ZNF521: variants seen among roughly 807,000 people sequenced by gnomAD.
ZNF521 encodes the protein LYST-interacting protein 3.
ZNF521 carries 14 observed loss-of-function variants against 105.5 expected under a neutral mutation model. The ratio of observed to expected loss-of-function variants is 0.13; its 90% confidence interval spans 0.09 to 0.21. The LOEUF (loss-of-function observed/expected upper bound fraction) is 0.21, where lower values mean the gene tolerates loss of function less well. ZNF521 is among the 10% of genes least tolerant of loss of function. ZNF521 has a pLI of 1.00. For missense variants in ZNF521, 1,233 were observed against 1,629.7 expected, an observed-to-expected ratio of 0.76 and a Z score of 4.19; for synonymous variants, 635 against 606.0, an observed-to-expected ratio of 1.05 and a Z score of -0.70.
At position 25,130,662 on chromosome 18, in the gene ZNF521, C is replaced by T. The variant is rs1306658620; in HGVS notation, c.3659-38581G>A. ...GTTTATTCATTAGAAATAAATCCAGCCCAGGCACTATGGCTCACACTTGTT... is the reference window on the plus strand; with the variant it reads ...GTTTATTCATTAGAAATAAATCCAGTCCAGGCACTATGGCTCACACTTGTT... On this transcript the variant is annotated intron_variant, in intron 5 of 7. Coordinates refer to ENST00000361524, the MANE Select transcript of ZNF521 (RefSeq NM_015461.3). 2.0e-5 allele frequency among the ~76,000 whole-genome samples: 3 copies of T among 152,192 alleles called. No homozygotes were observed. In the East Asian group the frequency reaches 5.8e-4, roughly 29 times the overall value.
chr18:25,222,886 T>C (rs1905826854), intron 4 of ZNF521, among the ~76,000 whole-genome samples: 1 of 152,178 alleles, frequency 6.6e-6, no homozygotes, highest in East Asian at 1.9e-4. Flanking sequence ...TCTTAGGAGA[T>C]GTCATGATAC....
At chr18:25,064,907 T>C (rs2033013047) in intron 7 of ZNF521, among the ~76,000 whole-genome samples, 1 of 152,218 alleles carries the variant, frequency 6.6e-6, no homozygotes, top group Admixed American at 6.5e-5. Flanking sequence ...TCAGAGTGAA[T>C]ACAGGAAATA....
At chr18:25,249,590 T>C (rs867057240) in intron 3 of ZNF521, among the ~76,000 whole-genome samples, 1 of 152,092 alleles carries the variant, frequency 6.6e-6, no homozygotes, top group Admixed American at 6.5e-5. Context: ...GCCTCCCAAG[T>C]AACTGGGATT....
At chr18:25,205,443 T>TTAG in intron 4 of ZNF521, among the ~76,000 whole-genome samples, 1 of 152,280 alleles carries the variant, frequency 6.6e-6, no homozygotes, top group Non-Finnish European at 1.5e-5. Context: ...TTACACAAAA[T>TTAG]TAGGGCCTAT....
chr18:25,293,312 T>C (rs1300362724), intron 3 of ZNF521, among the ~76,000 whole-genome samples: 3 of 151,676 alleles, frequency 2.0e-5, no homozygotes, highest in African/African-American at 7.3e-5. Context: ...AAAGGGTTGT[T>C]GCTGCATTAA....
Position 25,204,686 on chromosome 18 carries a change from T to C in ZNF521, c.3574-9442A>G, listed in dbSNP as rs538913414. Among the ~76,000 whole-genome samples the C allele has an allele frequency of 5.9e-5, 9 of 152,258 alleles. No homozygotes were observed. In the South Asian group the frequency reaches 1.9e-3, roughly 32 times the overall value. On this transcript the variant is annotated intron_variant, in intron 4 of 7. Transcript: ENST00000361524. The stretch of plus-strand genomic sequence containing the variant: ...ACTTGAACTCATTGATGTCTCACAT[T>C]AAACACTGAAAAAACTGTGCCCAAG...
At chr18:25,083,790 G>T (rs2033557497) in intron 7 of ZNF521, among the ~76,000 whole-genome samples, 1 of 150,086 alleles carries the variant, frequency 6.7e-6, no homozygotes, top group Non-Finnish European at 1.5e-5. Context: ...TTGAGACAAG[G>T]TCTCTCTCTC....
chr18:25,316,216 GA>G lies in ZNF521; in HGVS notation c.220+5791del, dbSNP rs1165592750. On this transcript the variant is annotated intron_variant, in intron 3 of 7. Transcript: ENST00000361524. ...GAACGGGCAGGGAGAAAGGAAAGGG[GA>G]AAATATGGACAGGGAAATTAAGAAT... 2.6e-5 allele frequency among the ~76,000 whole-genome samples: 4 copies of G among 151,306 alleles called. No homozygotes were observed. The East Asian group carries it at 7.8e-4, about 30-fold the overall frequency.
At chr18:25,277,247 T>C (rs148108995) in intron 3 of ZNF521, among the ~76,000 whole-genome samples, 131 of 152,208 alleles carry the variant, frequency 8.6e-4, no homozygotes, top group African/African-American at 2.9e-3. Flanking sequence ...AAGCATTATA[T>C]ATTTATTAAG....
At chr18:25,303,347 G>A (rs1911763313) in intron 3 of ZNF521, among the ~76,000 whole-genome samples, 1 of 150,700 alleles carries the variant, frequency 6.6e-6, no homozygotes, top group Admixed American at 6.6e-5. Flanking sequence ...ACCAAGGCTG[G>A]AGCACAGTGG....
intron 3 of ZNF521, among the ~76,000 whole-genome samples, chr18:25,242,876 G>A (rs1568031077): frequency 6.6e-6 from 1 of 152,184 alleles, no homozygotes; most frequent in East Asian, 1.9e-4. Context: ...ATAATCTGAT[G>A]AGACTCCACT....
chr18:25,335,879 A>T (rs1277618210), intron 2 of ZNF521, among the ~76,000 whole-genome samples: 1 of 152,232 alleles, frequency 6.6e-6, no homozygotes, highest in Admixed American at 6.5e-5. Context: ...CTGGGCTTCT[A>T]AAGCCCAAAG....
intron 4 of ZNF521, among the ~76,000 whole-genome samples, chr18:25,199,775 C>T (rs2035961359): frequency 6.6e-6 from 1 of 152,026 alleles, no homozygotes; most frequent in Admixed American, 6.6e-5. Flanking sequence ...CTTTAGACTC[C>T]TTCACTTGAT....
chr18:25,336,757 A>G (rs4129501), intron 2 of ZNF521, among the ~76,000 whole-genome samples: 133,346 of 152,186 alleles, frequency 0.88, 58,492 homozygotes, highest in Admixed American at 0.92. Context: ...ACACAGGTAC[A>G]TAAAAATTCC....
chr18:25,223,416 G>A (rs938233801), intron 4 of ZNF521, among the ~76,000 whole-genome samples: 4 of 152,154 alleles, frequency 2.6e-5, no homozygotes, highest in African/African-American at 9.7e-5. Context: ...GGGTGTGAGT[G>A]CAGAGACAAG....
intron 5 of ZNF521, among the ~76,000 whole-genome samples, chr18:25,121,111 A>ATTTTTTT (rs5823467): frequency 4.2e-5 from 5 of 118,676 alleles, no homozygotes; most frequent in Non-Finnish European, 5.0e-5. Flanking sequence ...AAGAAGGAGT[A>ATTTTTTT]TTTTTTTTTT....
chr18:25,064,349 G>A (rs2032994282), intron 7 of ZNF521, among the ~76,000 whole-genome samples: 1 of 152,216 alleles, frequency 6.6e-6, no homozygotes, highest in Admixed American at 6.5e-5. Flanking sequence ...GACAGCCGGA[G>A]ACATGAGCAG....
intron 7 of ZNF521, among the ~76,000 whole-genome samples, chr18:25,064,449 A>G (rs2032997328): frequency 6.6e-6 from 1 of 152,210 alleles, no homozygotes; most frequent in Non-Finnish European, 1.5e-5. Flanking sequence ...CAGACCTGCA[A>G]CTTGTTTAGA....
chr18:25,295,360 T>C (rs1911267396), intron 3 of ZNF521, among the ~76,000 whole-genome samples: 1 of 152,206 alleles, frequency 6.6e-6, no homozygotes, highest in Non-Finnish European at 1.5e-5. Context: ...GCTAATAATA[T>C]GCCATTATGT....
Sources: gnomAD v4.1 joint callset for allele counts (sites outside exome capture counted in the v4.1 genomes callset) on GRCh38, gnomAD v4.1.1 for gene constraint, MANE v1.5 for transcripts, NCBI Gene and HGNC (gene_info 2026-07-23, HGNC 2026-07-21) for gene names.